KSR2: variants seen among roughly 807,000 people sequenced by gnomAD.
KSR2 encodes the protein kinase suppressor of ras 2.
A neutral mutation model predicts 107.8 loss-of-function variants in KSR2; 25 were observed. That is an observed-to-expected ratio of 0.23 (90% CI 0.17 to 0.32). The LOEUF (loss-of-function observed/expected upper bound fraction) is 0.32, where lower values mean the gene tolerates loss of function less well. KSR2 is among the 10% of genes least tolerant of loss of function. The pLI is 1.00. For missense variants in KSR2, 887 were observed against 1,268.9 expected (o/e 0.70, Z 4.57); for synonymous variants, 480 against 507.0 (o/e 0.95, Z 0.71).
At chr12:117,688,115 C>T (rs1429726344) in intron 4 of KSR2, among the ~76,000 whole-genome samples, 1 of 152,172 alleles carries the variant, frequency 6.6e-6, no homozygotes, top group Non-Finnish European at 1.5e-5. Flanking sequence ...TGTGGTGGCT[C>T]ACGCCTGTAA....
intron 4 of KSR2, among the ~76,000 whole-genome samples, chr12:117,724,371 G>A (rs980188959): frequency 1.3e-5 from 2 of 149,480 alleles, no homozygotes; most frequent in African/African-American, 4.9e-5. Flanking sequence ...CTAAAAATAA[G>A]TAGCAATGTT....
rs1871018861 is a variant in KSR2, at chr12:117,463,776, G to A, written c.*3423C>T. On this transcript the variant is annotated 3_prime_UTR_variant, in exon 20 of 20. Transcript: ENST00000339824. ...CCTTTGATGATCAGCTGTAGGTGGG[G>A]ATGGGAATGGTGGAAGGTGAGATAA... 1 of 152,414 alleles carries A rather than the reference G, an allele frequency of 6.6e-6. No homozygotes were observed. Among genetic ancestry groups the A allele is most frequent in the Admixed American group, 6.5e-5 (1 of 15,268 alleles). The allele number at this position is 152,414 out of a possible 1,614,324, so 9.4% of individuals were successfully genotyped here.
intron 3 of KSR2, among the ~76,000 whole-genome samples, chr12:117,804,185 A>G (rs1890933751): frequency 6.6e-6 from 1 of 152,168 alleles, no homozygotes; most frequent in South Asian, 2.1e-4. Flanking sequence ...CTGGGATTAC[A>G]GGCATGTGCC....
At chr12:117,740,679 A>T (rs556016401) in intron 4 of KSR2, among the ~76,000 whole-genome samples, 16 of 145,258 alleles carry the variant, frequency 1.1e-4, no homozygotes, top group Admixed American at 5.6e-4. Flanking sequence ...TATAATATAT[A>T]TACACACACA....
intron 14 of KSR2, among the ~76,000 whole-genome samples, chr12:117,499,207 T>C (rs889677555): frequency 5.3e-5 from 8 of 152,370 alleles, no homozygotes; most frequent in Admixed American, 5.2e-4. Context: ...TGAATTACTG[T>C]TTTAAAAACT....
intron 3 of KSR2, among the ~76,000 whole-genome samples, chr12:117,850,450 T>G (rs1892878405): frequency 6.6e-6 from 1 of 152,106 alleles, no homozygotes; most frequent in Non-Finnish European, 1.5e-5. Context: ...TCTAAGTAAT[T>G]CATGAATTTA....
At chr12:117,713,149 A>G (rs1368899147) in intron 4 of KSR2, among the ~76,000 whole-genome samples, 1 of 150,900 alleles carries the variant, frequency 6.6e-6, no homozygotes, top group Non-Finnish European at 1.5e-5. Flanking sequence ...TAGATAAAAG[A>G]TAGAAGATAG....
chr12:117,616,752 A>C (rs1156383234), intron 5 of KSR2, among the ~76,000 whole-genome samples: 1 of 152,156 alleles, frequency 6.6e-6, no homozygotes, highest in Admixed American at 6.6e-5. Flanking sequence ...TGTTGATTCC[A>C]ACAGTGTTCC....
At chr12:117,736,486 G>C (rs1436555075) in intron 4 of KSR2, among the ~76,000 whole-genome samples, 1 of 152,008 alleles carries the variant, frequency 6.6e-6, no homozygotes. Flanking sequence ...TCCCATCCTC[G>C]TCTCATCCAA....
chr12:117,531,376 A>G (rs533953436), intron 11 of KSR2, among the ~76,000 whole-genome samples: 1 of 152,222 alleles, frequency 6.6e-6, no homozygotes, highest in South Asian at 2.1e-4. Context: ...CCCTATGACC[A>G]TCTCTTTCCT....
At chr12:117,594,257 C>T (rs552492076) in intron 5 of KSR2, among the ~76,000 whole-genome samples, 22 of 152,262 alleles carry the variant, frequency 1.4e-4, no homozygotes, top group Admixed American at 2.6e-4. Context: ...ATGGACTGCT[C>T]GGGGACAGAC....
chr12:117,721,539 G>T (rs1245828903), intron 4 of KSR2, among the ~76,000 whole-genome samples: 1 of 152,176 alleles, frequency 6.6e-6, no homozygotes, highest in African/African-American at 2.4e-5. Flanking sequence ...AGAGCTACCT[G>T]TGAGTCAGAG....
chr12:117,580,499 C>T (rs1163515528), intron 6 of KSR2, among the ~76,000 whole-genome samples: 1 of 152,164 alleles, frequency 6.6e-6, no homozygotes, highest in Non-Finnish European at 1.5e-5. Context: ...CTCTCTTGTG[C>T]TTGGGATCAG....
chr12:117,608,490 G>A (rs1881413512), intron 5 of KSR2, among the ~76,000 whole-genome samples: 1 of 152,184 alleles, frequency 6.6e-6, no homozygotes, highest in Non-Finnish European at 1.5e-5. Context: ...GCAGGGCTTT[G>A]CAGCTGTTAC....
In KSR2 at chr12:117,842,263, T is replaced by A. The variant is rs1339702343; in HGVS notation, c.472+13165A>T. Among the ~76,000 whole-genome samples, 1 of 151,936 alleles carries A rather than the reference T, an allele frequency of 6.6e-6. No individual in the cohort carries two copies. The highest frequency in any genetic ancestry group is 1.5e-5 in the Non-Finnish European group (1 of 67,982). On this transcript the variant is annotated intron_variant, in intron 3 of 19. Coordinates refer to ENST00000339824, the MANE Select transcript of KSR2 (RefSeq NM_173598.6). The surrounding 1 kb of genome is among the most constrained non-coding windows in gnomAD (Gnocchi z 4.2). ...CTAGAGACTATGATAGGATAGAGAG[T>A]GGCCAGGATGGAAGTGGGACTCTGA...
intron 1 of KSR2, among the ~76,000 whole-genome samples, chr12:117,873,621 C>T (rs569312358): frequency 1.4e-4 from 22 of 152,082 alleles, no homozygotes; most frequent in African/African-American, 3.4e-4. Flanking sequence ...CCACCACACC[C>T]GGCTAATTTT....
chr12:117,669,472 T>C (rs1354016157), intron 4 of KSR2, among the ~76,000 whole-genome samples: 1 of 152,026 alleles, frequency 6.6e-6, no homozygotes, highest in Non-Finnish European at 1.5e-5. Flanking sequence ...GAGGCTTGAC[T>C]GAAATAGGCT....
chr12:117,473,059 C>T (rs79994639), intron 17 of KSR2, among the ~76,000 whole-genome samples: 5 of 152,290 alleles, frequency 3.3e-5, no homozygotes, highest in East Asian at 1.9e-4. Context: ...AGCCCCTATA[C>T]ACCAGAGCCT....
In KSR2 at chr12:117,579,185, C is replaced by T; in HGVS notation, c.1259G>A (p.Trp420Ter). Residue 420 changes from tryptophan to a stop codon, truncating the protein, a stop_gained, in exon 7 of 20, where the codon TGG becomes TAG. Transcript: ENST00000339824. LOFTEE classifies it high-confidence loss of function. The part of the protein sequence containing the change: ...SIKHRFSTKY[W>*]MSQTCTVCGK... ...ACAGACTGTGCACGTCTGAGACATC[C>T]AGTACTTGGTGGAAAACCTGTGGAA... 6.2e-7 allele frequency: 1 copy of T among 1,613,528 alleles called. No individual in the cohort carries two copies. The highest frequency in any genetic ancestry group is 8.5e-7 in the Non-Finnish European group (1 of 1,179,660).
Sources: gnomAD v4.1 joint callset for allele counts (sites outside exome capture counted in the v4.1 genomes callset) on GRCh38, gnomAD v4.1.1 for gene constraint, Gnocchi (gnomAD v3.1) non-coding constraint, MANE v1.5 for transcripts, NCBI Gene and HGNC (gene_info 2026-07-23, HGNC 2026-07-21) for gene names.